The following CDK19 variants were observed in gnomAD, a reference collection of about 807,000 sequenced individuals.
The protein encoded by CDK19 is cyclin dependent kinase 19.
A neutral mutation model predicts 68.3 loss-of-function variants in CDK19; 20 were observed. The ratio of observed to expected loss-of-function variants is 0.29; its 90% CI spans 0.21 to 0.43. CDK19 has a LOEUF of 0.43. CDK19 is among the 20% of genes least tolerant of loss of function. The pLI is 1.00. For missense variants in CDK19, 339 were observed against 623.5 expected (o/e 0.54, Z 4.86); for synonymous variants, 221 against 222.8 (o/e 0.99, Z 0.07).
At chr6:110,629,866 T>C (rs555957504) in intron 6 of CDK19, among the ~76,000 whole-genome samples, 1 of 152,342 alleles carries the variant, frequency 6.6e-6, no homozygotes, top group Non-Finnish European at 1.5e-5. Flanking sequence ...GATTATGTTT[T>C]TATCTTTAAG....
At chr6:110,703,505 A>C (rs977403997) in intron 2 of CDK19, among the ~76,000 whole-genome samples, 1 of 152,182 alleles carries the variant, frequency 6.6e-6, no homozygotes, top group African/African-American at 2.4e-5. Flanking sequence ...CAAAACTCTA[A>C]AAGGACAGCT....
At chr6:110,630,059 A>C (rs931480009) in intron 6 of CDK19, among the ~76,000 whole-genome samples, 2 of 152,208 alleles carry the variant, frequency 1.3e-5, no homozygotes, top group African/African-American at 4.8e-5. Flanking sequence ...ATATTCATAA[A>C]ATTGTGCTTC....
intron 12 of CDK19, among the ~76,000 whole-genome samples, chr6:110,615,489 A>G (rs1433618400): frequency 6.6e-6 from 1 of 152,180 alleles, no homozygotes; most frequent in Non-Finnish European, 1.5e-5. Flanking sequence ...GCAAAGTGGG[A>G]AAGAATATAT....
At chr6:110,615,644 C>T (rs1303097086) in intron 12 of CDK19, among the ~76,000 whole-genome samples, 1 of 152,196 alleles carries the variant, frequency 6.6e-6, no homozygotes, top group Non-Finnish European at 1.5e-5. Flanking sequence ...ATGGGCCAAG[C>T]TAACTTTGGG....
At chr6:110,744,466 A>T (rs1777930296) in intron 2 of CDK19, among the ~76,000 whole-genome samples, 1 of 152,142 alleles carries the variant, frequency 6.6e-6, no homozygotes, top group Non-Finnish European at 1.5e-5. Context: ...CAGGGGTTCA[A>T]GGTTACAGTG....
chr6:110,677,173 T>A (rs557742545), intron 2 of CDK19, among the ~76,000 whole-genome samples: 1 of 152,326 alleles, frequency 6.6e-6, no homozygotes, highest in South Asian at 2.1e-4. Flanking sequence ...ATTTCAAAAA[T>A]CCTTAACTGA....
chr6:110,682,368 T>C (rs1381863291), intron 2 of CDK19, among the ~76,000 whole-genome samples: 1 of 152,240 alleles, frequency 6.6e-6, no homozygotes, highest in Non-Finnish European at 1.5e-5. Context: ...GGGTGTTTTA[T>C]GGCAAATAGG....
intron 4 of CDK19, among the ~76,000 whole-genome samples, chr6:110,659,190 A>G (rs1252768483): frequency 6.6e-6 from 1 of 152,254 alleles, no homozygotes; most frequent in African/African-American, 2.4e-5. Flanking sequence ...TAGCAGAGAC[A>G]AAATTAAAGA....
chr6:110,806,850 T>C (rs1782714684), intron 1 of CDK19, among the ~76,000 whole-genome samples: 1 of 151,952 alleles, frequency 6.6e-6, no homozygotes, highest in Admixed American at 6.6e-5. Flanking sequence ...TAGTGGTATA[T>C]GCCTGTGGTC....
At chr6:110,622,961 A>AGGTGTTGACTT in intron 9 of CDK19, 49 bp from the exon 10 acceptor site, 2 of 1,102,310 alleles carry the variant, frequency 1.8e-6, no homozygotes, top group Non-Finnish European at 2.8e-6. Flanking sequence ...GTTATTTACA[A>AGGTGTTGACTT]GTCAACACCT....
intron 1 of CDK19, among the ~76,000 whole-genome samples, chr6:110,762,933 T>A (rs1340564422): frequency 2.0e-5 from 3 of 152,206 alleles, no homozygotes; most frequent in African/African-American, 7.2e-5. Context: ...GATGAATTGA[T>A]TAACCGATTA....
At chr6:110,672,971 A>T (rs1408694256) in intron 2 of CDK19, among the ~76,000 whole-genome samples, 1 of 152,186 alleles carries the variant, frequency 6.6e-6, no homozygotes. Flanking sequence ...AGATATACTT[A>T]GTATATTTAC....
At chr6:110,781,220 G>A (rs751030650) in intron 1 of CDK19, among the ~76,000 whole-genome samples, 3 of 152,322 alleles carry the variant, frequency 2.0e-5, no homozygotes, top group Middle Eastern at 3.4e-3. Flanking sequence ...GCCTCAGGAA[G>A]CTTTCAATCA....
intron 2 of CDK19, among the ~76,000 whole-genome samples, chr6:110,720,912 C>T (rs944310523): frequency 1.3e-5 from 2 of 150,922 alleles, no homozygotes; most frequent in Admixed American, 6.6e-5. Context: ...ATGCTATACA[C>T]GTCAAATGTC....
intron 2 of CDK19, among the ~76,000 whole-genome samples, chr6:110,680,762 C>T (rs1771942626): frequency 2.6e-5 from 4 of 152,066 alleles, no homozygotes; most frequent in Admixed American, 2.0e-4. Context: ...TTTGGGAGGC[C>T]GAGGTGGACA....
chr6:110,785,883 G>A (rs1781180682), intron 1 of CDK19, among the ~76,000 whole-genome samples: 1 of 151,944 alleles, frequency 6.6e-6, no homozygotes, highest in Admixed American at 6.6e-5. Flanking sequence ...GGGAGCCTGA[G>A]GCAGAAGAAT....
intron 2 of CDK19, among the ~76,000 whole-genome samples, chr6:110,738,013 C>A (rs192410005): frequency 5.3e-5 from 8 of 152,154 alleles, no homozygotes; most frequent in Admixed American, 5.2e-4. Flanking sequence ...ATAACTGTTA[C>A]AGAACATCAT....
At chr6:110,683,068 C>T (rs915551742) in intron 2 of CDK19, among the ~76,000 whole-genome samples, 4 of 146,696 alleles carry the variant, frequency 2.7e-5, no homozygotes, top group African/African-American at 1.0e-4. Flanking sequence ...CCCAGCTACT[C>T]GGGAGGCTGA....
Position 110,815,108 on chromosome 6 carries a change from G to A in CDK19, c.29C>T (p.Ala10Val). Residue 10 changes from alanine (A) to valine (V), a missense_variant, in exon 1 of 13, where the codon GCG becomes GTG. Transcript: ENST00000368911. MDYDFKAKL[A>V]AERERVEDLF... is the part of the protein sequence containing the mutation. ...ATCCTCCACCCGCTCCCGCTCCGCC[G>A]CCAGCTTCGCCTTGAAATCATAATC... 3 of 1,601,672 alleles carry A rather than the reference G, an allele frequency of 1.9e-6. No individual in the cohort carries two copies. The highest frequency in any genetic ancestry group is 2.6e-6 in the Non-Finnish European group (3 of 1,175,200).
Sources: gnomAD v4.1 joint callset for allele counts (sites outside exome capture counted in the v4.1 genomes callset) on GRCh38, gnomAD v4.1.1 for gene constraint, MANE v1.5 for transcripts, NCBI Gene and HGNC (gene_info 2026-07-23, HGNC 2026-07-21) for gene names.